The following RPH3A variants were observed in gnomAD, a reference collection of about 807,000 sequenced individuals.
RPH3A encodes rabphilin-3A.
A neutral mutation model predicts 102.2 loss-of-function variants in RPH3A; 48 were observed. That is an observed-to-expected ratio of 0.47 (90% CI 0.37 to 0.60). RPH3A has a LOEUF of 0.60. RPH3A is among the 20% of genes least tolerant of loss of function. The pLI, the probability that RPH3A is intolerant of heterozygous loss-of-function variation, is 0.00. For synonymous variants in RPH3A, 310 were observed against 324.3 expected, an observed-to-expected ratio of 0.96 and a Z score of 0.47; for missense variants, 781 against 910.1, an observed-to-expected ratio of 0.86 and a Z score of 1.83.
chr12:112,619,821 T>G (rs1462850024), intron 1 of RPH3A, among the ~76,000 whole-genome samples: 1 of 152,196 alleles, frequency 6.6e-6, no homozygotes, highest in African/African-American at 2.4e-5. Context: ...CCTACCTAAT[T>G]CTTTTTAGTG....
intron 1 of RPH3A, among the ~76,000 whole-genome samples, chr12:112,593,423 G>C (rs1455838606): frequency 2.0e-5 from 3 of 152,166 alleles, no homozygotes. Flanking sequence ...GTGTTAAGCT[G>C]GTGGGATTTT....
chr12:112,850,578 T>C (rs953909467), intron 5 of RPH3A, among the ~76,000 whole-genome samples: 1 of 152,186 alleles, frequency 6.6e-6, no homozygotes, highest in Non-Finnish European at 1.5e-5. Flanking sequence ...CTGGCTGTGG[T>C]TGTTCCACAG....
At chr12:112,871,185 G>C (rs1653691719) in intron 10 of RPH3A, among the ~76,000 whole-genome samples, 1 of 151,962 alleles carries the variant, frequency 6.6e-6, no homozygotes, top group Non-Finnish European at 1.5e-5. Context: ...TTTTTTAATT[G>C]TTGTAAAATA....
At chr12:112,754,920 C>G (rs1304611411) in intron 1 of RPH3A, among the ~76,000 whole-genome samples, 2 of 152,214 alleles carry the variant, frequency 1.3e-5, no homozygotes, top group African/African-American at 4.8e-5. Flanking sequence ...GGGAGTGGAG[C>G]TGACATCAGT....
rs1565856803 is a variant in RPH3A, at chr12:112,712,925, C to CTTCTTCTTCT, written c.-139-79217_-139-79216insTCTTCTTCTT. Reference sequence around the variant, plus strand: ...CTTCCTCTTCTTCTTCTTCTTCTTCCTCTTCTTCTTCTTCTTCTTCTTCTT... The same window carrying CTTCTTCTTCT: ...CTTCCTCTTCTTCTTCTTCTTCTTCCTTCTTCTTCTTCTTCTTCTTCTTCTTCTTCTTCTT... On this transcript the variant is annotated intron_variant, in intron 1 of 21. Coordinates refer to the RPH3A transcript ENST00000543106. 5.0e-3 allele frequency among the ~76,000 whole-genome samples: 474 copies of CTTCTTCTTCT among 94,508 alleles called. 44 individuals are homozygous for CTTCTTCTTCT. The highest frequency in any genetic ancestry group is 0.014 in the African/African-American group (313 of 21,908). 62.0% of individuals were successfully genotyped at this position (94,508 alleles called of 152,430 possible). A position where few individuals can be genotyped will look rare whatever the true frequency, so the allele number is the denominator to read the frequency against.
At chr12:112,741,850 C>G (rs1015270889) in intron 1 of RPH3A, among the ~76,000 whole-genome samples, 1 of 152,172 alleles carries the variant, frequency 6.6e-6, no homozygotes, top group Non-Finnish European at 1.5e-5. Context: ...CCTTTTCCTA[C>G]ACATAAGATA....
chr12:112,831,577 T>G (rs1475925800), intron 3 of RPH3A, among the ~76,000 whole-genome samples: 1 of 152,070 alleles, frequency 6.6e-6, no homozygotes, highest in Non-Finnish European at 1.5e-5. Context: ...TTAATTTGCC[T>G]GTCTTCTAGT....
chr12:112,664,058 G>A (rs1393495035), intron 1 of RPH3A, among the ~76,000 whole-genome samples: 5 of 152,186 alleles, frequency 3.3e-5, no homozygotes, highest in Non-Finnish European at 5.9e-5. Flanking sequence ...CAAGCCAGCA[G>A]TTGCCAAGGG....
At chr12:112,880,387 T>G (rs1481492311) in intron 14 of RPH3A, among the ~76,000 whole-genome samples, 1 of 152,222 alleles carries the variant, frequency 6.6e-6, no homozygotes, top group African/African-American at 2.4e-5. Context: ...TAAGTGCATA[T>G]ACATTATTTT....
At chr12:112,734,564 A>G (rs1405667549) in intron 1 of RPH3A, among the ~76,000 whole-genome samples, 1 of 152,222 alleles carries the variant, frequency 6.6e-6, no homozygotes, top group Non-Finnish European at 1.5e-5. Flanking sequence ...CAAGTTTATT[A>G]AGAAAGTAAA....
intron 2 of RPH3A, among the ~76,000 whole-genome samples, chr12:112,821,290 CT>C (rs2041773923): frequency 6.6e-6 from 1 of 152,210 alleles, no homozygotes; most frequent in African/African-American, 2.4e-5. Flanking sequence ...ATAGTCAACT[CT>C]GGATGCATAT....
intron 1 of RPH3A, among the ~76,000 whole-genome samples, chr12:112,730,883 G>T (rs1220600958): frequency 1.3e-5 from 2 of 152,148 alleles, no homozygotes; most frequent in Non-Finnish European, 2.9e-5. Flanking sequence ...CCTGGCCATT[G>T]TTCCAGGGCT....
At chr12:112,637,403 C>T (rs1177326860) in intron 1 of RPH3A, among the ~76,000 whole-genome samples, 2 of 152,090 alleles carry the variant, frequency 1.3e-5, no homozygotes, top group Admixed American at 6.6e-5. Context: ...ATTTTTTCTC[C>T]TTCCTACCTC....
At chr12:112,608,173 T>TG (rs2039612503) in intron 1 of RPH3A, among the ~76,000 whole-genome samples, 3 of 151,618 alleles carry the variant, frequency 2.0e-5, no homozygotes, top group Admixed American at 6.6e-5. Context: ...TGGAGTGCAG[T>TG]GGGGCGATCT....
chr12:112,690,643 C>T (rs148729370), intron 1 of RPH3A, among the ~76,000 whole-genome samples: 72 of 152,286 alleles, frequency 4.7e-4, no homozygotes, highest in Non-Finnish European at 9.3e-4. Context: ...AGCTTCCCCA[C>T]CCACTGGTAA....
At chr12:112,605,064 C>A (rs2135970781) in intron 1 of RPH3A, among the ~76,000 whole-genome samples, 1 of 152,316 alleles carries the variant, frequency 6.6e-6, no homozygotes, top group African/African-American at 2.4e-5. Flanking sequence ...ATCAAATAAT[C>A]TGTAGACATT....
At chr12:112,583,360 G>A (rs940907893) in intron 1 of RPH3A, among the ~76,000 whole-genome samples, 1 of 152,140 alleles carries the variant, frequency 6.6e-6, no homozygotes, top group Admixed American at 6.5e-5. Context: ...GAAAAGTTGA[G>A]TTCTTTTCTC....
At chr12:112,880,549 A>G (rs1028556154) in intron 14 of RPH3A, among the ~76,000 whole-genome samples, 1 of 152,184 alleles carries the variant, frequency 6.6e-6, no homozygotes, top group African/African-American at 2.4e-5. Context: ...TAATCCTCTA[A>G]GAGCCCCATG....
intron 1 of RPH3A, among the ~76,000 whole-genome samples, chr12:112,731,692 T>C (rs2136049179): frequency 6.6e-6 from 1 of 152,358 alleles, no homozygotes; most frequent in Non-Finnish European, 1.5e-5. Context: ...TTTCAGATAC[T>C]AGTATTATGT....
Sources: gnomAD v4.1 joint callset for allele counts (sites outside exome capture counted in the v4.1 genomes callset) on GRCh38, gnomAD v4.1.1 for gene constraint, MANE v1.5 for transcripts, NCBI Gene and HGNC (gene_info 2026-07-23, HGNC 2026-07-21) for gene names.